Variants in VEGFD observed in about 807,000 individuals in gnomAD.
VEGFD encodes c-fos induced growth factor (vascular endothelial growth factor D).
In VEGFD, 26 loss-of-function variants were observed where a neutral mutation model predicts 28.0. That is an observed-to-expected ratio of 0.93 (90% CI 0.68 to 1.29). The LOEUF is 1.29. Ranked by LOEUF, VEGFD falls within the 50% of genes most tolerant of loss-of-function variation. The probability of loss-of-function intolerance (pLI) is 0.00; values close to 1 mark genes in which losing one functional copy is unlikely to be tolerated. For synonymous variants in VEGFD, 93 were observed against 95.5 expected (o/e 0.97, Z 0.15); for missense variants, 294 against 273.4 (o/e 1.08, Z -0.53).
intron 2 of VEGFD, among the ~76,000 whole-genome samples, chrX:15,362,425 T>C (rs766224894): frequency 1.4e-3 from 152 of 107,203 alleles, no homozygotes; most frequent in Middle Eastern, 4.8e-3. Flanking sequence ...GGGGAGGGGG[T>C]GGTTTTTTTG....
At chrX:15,374,020 T>C (rs1202980865) in intron 1 of VEGFD, among the ~76,000 whole-genome samples, 1 of 111,570 alleles carries the variant, frequency 9.0e-6, no homozygotes, top group South Asian at 3.8e-4. Flanking sequence ...TAGCTCTCAG[T>C]TGGAAATAAC....
At chrX:15,368,020 A>AAGAAAGAAAGAAAGAAAGAAAGAAAGAG (rs1923200160) in intron 1 of VEGFD, among the ~76,000 whole-genome samples, 1 of 102,424 alleles carries the variant, frequency 9.8e-6, no homozygotes, top group African/African-American at 3.8e-5. Context: ...GAAAGAAAGA[A>AAGAAAGAAAGAAAGAAAGAAAGAAAGAG]AGAAAGAAAG....
Position 15,382,831 on chromosome X carries a change from C to T in VEGFD, c.90+1026G>A, listed in dbSNP as rs780970052. On this transcript the variant is annotated intron_variant, in intron 1 of 6. Transcript: ENST00000297904. ...ATTTTTAAATATCAGCCCCCACCCT[C>T]GCCAGGCCACCAACACCAGCCAGGA... Among the ~76,000 whole-genome samples the T allele has an allele frequency of 5.4e-5, 6 of 111,751 alleles. No individual in the cohort carries two copies. The East Asian group carries it at 1.1e-3, about 21-fold the overall frequency.
chrX:15,358,318 G>T (rs1922919039), intron 2 of VEGFD, 125 bp from the exon 3 acceptor site: 3 of 605,941 alleles, frequency 5.0e-6, no homozygotes, highest in Non-Finnish European at 7.6e-6. Flanking sequence ...TTTACTAGAT[G>T]GATATTTTTT....
chrX:15,355,490 T>G (rs922794778), intron 3 of VEGFD, among the ~76,000 whole-genome samples, 192 bp from the exon 4 acceptor site: 5 of 112,319 alleles, frequency 4.5e-5, no homozygotes, highest in Non-Finnish European at 9.4e-5. Flanking sequence ...TTTAACTTTT[T>G]GATCATTGAT....
At chrX:15,355,097 G>A in intron 4 of VEGFD, 53 bp downstream of exon 4, 1 of 1,057,310 alleles carries the variant, frequency 9.5e-7, no homozygotes, top group Non-Finnish European at 1.2e-6. Context: ...CACAGTTTTG[G>A]CAAGGCAAAA....
intron 1 of VEGFD, among the ~76,000 whole-genome samples, chrX:15,372,082 C>G (rs1487178188): frequency 9.0e-6 from 1 of 111,539 alleles, no homozygotes; most frequent in African/African-American, 3.3e-5. Flanking sequence ...AGATTTACAC[C>G]TATTTACAAT....
At position 15,351,085 on chromosome X, in the gene VEGFD, T is replaced by A. The variant is rs193261900; in HGVS notation, c.742+1983A>T. On this transcript the variant is annotated intron_variant, in intron 5 of 6. Transcript: ENST00000297904. ...TTTTTAGTAGTAGTAGAGATGGGAT[T>A]TCGCCATGTTGGCCCGGCTGGTTTT... Among the ~76,000 whole-genome samples, 286 of 86,079 alleles carry A rather than the reference T, an allele frequency of 3.3e-3. 2 individuals are homozygous for A. Among genetic ancestry groups the A allele is most frequent in the African/African-American group, 0.011 (265 of 23,285 alleles). 74.7% of individuals were successfully genotyped at this position (86,079 alleles called of 115,157 possible).
At chrX:15,358,255 G>T (rs1183885163) in intron 2 of VEGFD, 62 bp from the exon 3 acceptor site, 17 of 969,051 alleles carry the variant, frequency 1.8e-5, no homozygotes, top group Non-Finnish European at 2.1e-5. Flanking sequence ...GTGCCAACAT[G>T]TGCCAGGGTT....
chrX:15,355,442 C>T, intron 3 of VEGFD, 144 bp from the exon 4 acceptor site: 1 of 411,585 alleles, frequency 2.4e-6, no homozygotes. Flanking sequence ...TAAACAGGCT[C>T]ATCTAACTTT....
At chrX:15,382,554 G>A (rs766554134) in intron 1 of VEGFD, among the ~76,000 whole-genome samples, 3 of 111,518 alleles carry the variant, frequency 2.7e-5, no homozygotes, top group South Asian at 3.8e-4. Context: ...ATGAACTTAC[G>A]AAAAAGCTGG....
At chrX:15,375,800 ACCTCCACAT>A (rs1419396975) in intron 1 of VEGFD, among the ~76,000 whole-genome samples, 1 of 110,650 alleles carries the variant, frequency 9.0e-6, no homozygotes, top group African/African-American at 3.3e-5. Flanking sequence ...AATGCCTGGG[ACCTCCACAT>A]CCTCCAATTT....
intron 5 of VEGFD, among the ~76,000 whole-genome samples, chrX:15,349,761 A>G (rs1450859842): frequency 1.8e-5 from 2 of 111,694 alleles, no homozygotes; most frequent in Non-Finnish European, 3.8e-5. Flanking sequence ...TCTGGGCAAG[A>G]GAAGTCACTG....
chrX:15,357,902 A>G, intron 3 of VEGFD, 101 bp downstream of exon 3: 1 of 716,978 alleles, frequency 1.4e-6, no homozygotes, highest in Non-Finnish European at 2.1e-6. Context: ...GATTATGCAC[A>G]TAAAGCATTT....
chrX:15,367,986 A>AAAAGAAAGAAAGAAAGAAAGAAAG (rs199761765), intron 1 of VEGFD, among the ~76,000 whole-genome samples: 3,508 of 66,554 alleles, frequency 0.053, 126 homozygotes, highest in African/African-American at 0.065. Context: ...AAGAAAAAGA[A>AAAAGAAAGAAAGAAAGAAAGAAAG]AAAGAAAGAA....
chrX:15,373,423 G>C (rs1006800131), intron 1 of VEGFD, among the ~76,000 whole-genome samples: 1 of 112,206 alleles, frequency 8.9e-6, no homozygotes, highest in African/African-American at 3.2e-5. Context: ...CCTCTAGAGA[G>C]CCATGGGTCT....
intron 1 of VEGFD, among the ~76,000 whole-genome samples, chrX:15,364,185 C>G (rs1192494472): frequency 8.9e-6 from 1 of 112,018 alleles, no homozygotes; most frequent in African/African-American, 3.2e-5. Flanking sequence ...ACTTCTAACT[C>G]TCTTTGTTTT....
chrX:15,369,409 G>A (rs767370942), intron 1 of VEGFD, among the ~76,000 whole-genome samples: 1 of 110,968 alleles, frequency 9.0e-6, no homozygotes, highest in South Asian at 3.8e-4. Flanking sequence ...TTTAGAAGTG[G>A]GGAATCTGGC....
At position 15,347,206 on chromosome X, in the gene VEGFD, G is replaced by A; in HGVS notation, c.896C>T (p.Thr299Ile). The part of the protein sequence containing the change: ...SCFECKESLE[T>I]CCQKHKLFHP... Reference sequence around the variant, plus strand: ...AAATAGCTTGTGCTTCTGGCAGCAGGTCTCCAGACTTTCTTTGCACTCAAA... The same window carrying A: ...AAATAGCTTGTGCTTCTGGCAGCAGATCTCCAGACTTTCTTTGCACTCAAA... Residue 299 changes from threonine to isoleucine, a missense_variant, in exon 6 of 7, where the codon ACC (threonine) becomes ATC (isoleucine). Physicochemically the swap from Thr to Ile is moderately conservative, Grantham distance 89 (BLOSUM62 -1). Coordinates refer to ENST00000297904, the MANE Select transcript of VEGFD (RefSeq NM_004469.5). 1 of 1,209,432 alleles carries A rather than the reference G, an allele frequency of 8.3e-7. No individual in the cohort carries two copies. The highest frequency in any genetic ancestry group is 3.0e-5 in the East Asian group (1 of 33,684).
Sources: allele counts gnomAD v4.1 joint callset (sites outside exome capture counted in the v4.1 genomes callset), GRCh38; gene constraint gnomAD v4.1.1; transcripts MANE v1.5; gene names NCBI Gene and HGNC (gene_info 2026-07-23, HGNC 2026-07-21).